PAX5: variants seen among roughly 807,000 people sequenced by gnomAD.
PAX5 encodes the protein paired box protein Pax-5.
In PAX5, 9 loss-of-function variants were observed where a neutral mutation model predicts 43.7. That is an observed-to-expected ratio of 0.21 (90% CI 0.12 to 0.36). PAX5 has a LOEUF of 0.36. Ranked by LOEUF, PAX5 falls within the 10% of genes least tolerant of loss-of-function variation. The probability of loss-of-function intolerance (pLI) is 1.00; values close to 1 mark genes in which losing one functional copy is unlikely to be tolerated. For synonymous variants in PAX5, 228 were observed against 214.3 expected, an observed-to-expected ratio of 1.06 and a Z score of -0.56; for missense variants, 383 against 532.7, an observed-to-expected ratio of 0.72 and a Z score of 2.77.
At chr9:36,983,148 C>T (rs1204518515) in intron 5 of PAX5, among the ~76,000 whole-genome samples, 1 of 152,152 alleles carries the variant, frequency 6.6e-6, no homozygotes, top group East Asian at 1.9e-4. Context: ...CCGACATACA[C>T]AGAGATTTGG....
intron 7 of PAX5, among the ~76,000 whole-genome samples, chr9:36,904,710 T>C (rs1828678803): frequency 6.6e-6 from 1 of 152,198 alleles, no homozygotes; most frequent in African/African-American, 2.4e-5. Context: ...TTTATGCTAA[T>C]CAAAGATATG....
rs749190460 is a variant in PAX5, at chr9:36,921,309, A to G, written c.910+2046T>C. Among the ~76,000 whole-genome samples the G allele has an allele frequency of 2.0e-5, 3 of 152,050 alleles. No homozygotes were observed. The East Asian group carries it at 5.8e-4, about 29-fold the overall frequency. ...TAACAAACCCTCCTTTCTGCAGAAC[A>G]CTCTCCTCTGGGATCTCATTTGATC... On this transcript the variant is annotated intron_variant, in intron 7 of 9. Coordinates refer to ENST00000358127, the MANE Select transcript of PAX5 (RefSeq NM_016734.3).
chr9:36,857,475 T>C (rs1823789621), intron 8 of PAX5, among the ~76,000 whole-genome samples: 1 of 152,194 alleles, frequency 6.6e-6, no homozygotes, highest in Non-Finnish European at 1.5e-5. Context: ...TAAAGGGGAT[T>C]CTTAGACCCA....
chr9:36,905,796 T>C (rs1057449726), intron 7 of PAX5, among the ~76,000 whole-genome samples: 1 of 152,188 alleles, frequency 6.6e-6, no homozygotes, highest in African/African-American at 2.4e-5. Flanking sequence ...TCAAGGGATA[T>C]GGGCTCCAGA....
At chr9:37,027,283 C>A (rs1840488789) in intron 1 of PAX5, among the ~76,000 whole-genome samples, 1 of 152,352 alleles carries the variant, frequency 6.6e-6, no homozygotes, top group Admixed American at 6.5e-5. Context: ...GAGCGTGCAG[C>A]CCTCCAACAC....
At chr9:36,941,673 G>A (rs1832063636) in intron 6 of PAX5, among the ~76,000 whole-genome samples, 1 of 152,022 alleles carries the variant, frequency 6.6e-6, no homozygotes, top group Admixed American at 6.6e-5. Context: ...CCCTTGGCCT[G>A]TACCCACCTC....
At chr9:36,947,965 A>G (rs1041837516) in intron 6 of PAX5, among the ~76,000 whole-genome samples, 4 of 152,112 alleles carry the variant, frequency 2.6e-5, no homozygotes, top group Non-Finnish European at 5.9e-5. Context: ...AGCCGTGTCT[A>G]TATCACTGAG....
At chr9:37,001,391 G>A (rs1247360071) in intron 5 of PAX5, among the ~76,000 whole-genome samples, 1 of 152,184 alleles carries the variant, frequency 6.6e-6, no homozygotes, top group Non-Finnish European at 1.5e-5. Flanking sequence ...GACAATGGGA[G>A]AAAAGATGAT....
At chr9:36,913,218 G>A (rs1345082354) in intron 7 of PAX5, among the ~76,000 whole-genome samples, 1 of 152,212 alleles carries the variant, frequency 6.6e-6, no homozygotes, top group African/African-American at 2.4e-5. Flanking sequence ...GCAGTGCCCA[G>A]GGGGAGCCTC....
intron 5 of PAX5, among the ~76,000 whole-genome samples, chr9:36,994,025 C>T (rs559539560): frequency 3.9e-5 from 6 of 152,286 alleles, no homozygotes; most frequent in Admixed American, 2.6e-4. Context: ...CGGGGGCTCT[C>T]GCTCACTGAA....
At chr9:36,961,155 T>C (rs1833940873) in intron 6 of PAX5, among the ~76,000 whole-genome samples, 2 of 152,216 alleles carry the variant, frequency 1.3e-5, no homozygotes, top group South Asian at 4.1e-4. Context: ...AAGCTCAACA[T>C]GCTCAGAAGC....
In PAX5 at chr9:36,836,523, A is replaced by C. The variant is rs1474522246; in HGVS notation, c.*4037T>G. ...TCTTTAGGCCGACAGAAAATTTTACAAGTTTTCATACTTGAATGCCACTCA... is the reference window on the plus strand; with the variant it reads ...TCTTTAGGCCGACAGAAAATTTTACCAGTTTTCATACTTGAATGCCACTCA... On this transcript the variant is annotated 3_prime_UTR_variant, in exon 10 of 10. Coordinates refer to ENST00000358127, the MANE Select transcript of PAX5 (RefSeq NM_016734.3). 1 of 232,978 alleles carries C rather than the reference A, an allele frequency of 4.3e-6. No individual in the cohort carries two copies. The allele number at this position is 232,978 out of a possible 1,614,324, so 14.4% of individuals were successfully genotyped here.
intron 5 of PAX5, among the ~76,000 whole-genome samples, chr9:36,969,547 C>A (rs1834760838): frequency 6.6e-6 from 1 of 152,250 alleles, no homozygotes; most frequent in Non-Finnish European, 1.5e-5. Context: ...GGAGACCCTC[C>A]CCCTGAGGAC....
In PAX5 at chr9:36,956,053, T is replaced by C. The variant is rs562158469; in HGVS notation, c.780+10496A>G. On this transcript the variant is annotated intron_variant, in intron 6 of 9. Coordinates refer to ENST00000358127, the MANE Select transcript of PAX5 (RefSeq NM_016734.3). ...CAAGGTGTAAGACCAAAATTAGCTG[T>C]TCTTTTGTCTTTTTTTTGAATTGCA... 7.2e-5 allele frequency among the ~76,000 whole-genome samples: 11 copies of C among 152,294 alleles called. No individual in the cohort carries two copies. In the East Asian group the frequency reaches 1.2e-3, roughly 16 times the overall value.
intron 1 of PAX5, among the ~76,000 whole-genome samples, chr9:37,027,388 G>A (rs990589443): frequency 2.6e-5 from 4 of 152,218 alleles, no homozygotes; most frequent in African/African-American, 9.6e-5. Flanking sequence ...CTTCCTCGCC[G>A]GGGTGTCTAC....
At chr9:36,927,389 T>C (rs1294482003) in intron 6 of PAX5, among the ~76,000 whole-genome samples, 2 of 152,236 alleles carry the variant, frequency 1.3e-5, no homozygotes, top group East Asian at 1.9e-4. Flanking sequence ...AACAGGGATA[T>C]ATCCTGCCCC....
intron 5 of PAX5, among the ~76,000 whole-genome samples, chr9:36,992,998 C>G (rs1837068785): frequency 6.6e-6 from 1 of 152,174 alleles, no homozygotes; most frequent in African/African-American, 2.4e-5. Flanking sequence ...ATACATGTGC[C>G]ATAGTGGTTT....
At chr9:36,981,533 C>T (rs1835949094) in intron 5 of PAX5, among the ~76,000 whole-genome samples, 1 of 151,646 alleles carries the variant, frequency 6.6e-6, no homozygotes, top group South Asian at 2.1e-4. Flanking sequence ...TCCCAGGGGA[C>T]ATCTGATGCT....
intron 5 of PAX5, among the ~76,000 whole-genome samples, chr9:36,994,483 C>T (rs1483984867): frequency 6.6e-6 from 1 of 152,236 alleles, no homozygotes; most frequent in Non-Finnish European, 1.5e-5. Context: ...CTACCCACTT[C>T]CCTGACCACA....
Sources: gnomAD v4.1 joint callset for allele counts (sites outside exome capture counted in the v4.1 genomes callset) on GRCh38, gnomAD v4.1.1 for gene constraint, MANE v1.5 for transcripts, NCBI Gene and HGNC (gene_info 2026-07-23, HGNC 2026-07-21) for gene names.